Variants in PCDHGA2 observed in about 807,000 individuals in gnomAD.
PCDHGA2 encodes protocadherin gamma subfamily A, 2.
In PCDHGA2, 40 loss-of-function variants were observed where a neutral mutation model predicts 59.2. That is an observed-to-expected ratio of 0.68 (90% confidence interval 0.52 to 0.88). PCDHGA2 has a LOEUF of 0.88. Among genes scored for constraint, PCDHGA2 ranks in the 40% least tolerant of loss-of-function variants. PCDHGA2 has a pLI of 0.00. For synonymous variants in PCDHGA2, 560 were observed against 526.0 expected (o/e 1.06, Z -0.89); for missense variants, 1,226 against 1,204.0 (o/e 1.02, Z -0.27).
intron 1 of PCDHGA2, among the ~76,000 whole-genome samples, chr5:141,402,239 T>A (rs1361940803): frequency 6.6e-6 from 1 of 152,066 alleles, no homozygotes; most frequent in African/African-American, 2.4e-5. Flanking sequence ...AGGAATTTTA[T>A]CATCAAAATA....
intron 1 of PCDHGA2, chr5:141,361,965 G>A (rs1279903156): frequency 2.5e-6 from 4 of 1,602,122 alleles, no homozygotes; most frequent in Admixed American, 3.4e-5. Context: ...ACGTGCTGCA[G>A]GCCAGCGAGC....
At chr5:141,430,179 A>G (rs2097264770) in intron 1 of PCDHGA2, among the ~76,000 whole-genome samples, 1 of 152,158 alleles carries the variant, frequency 6.6e-6, no homozygotes, top group Admixed American at 6.5e-5. Flanking sequence ...ATTTTCCCCA[A>G]ATTATAGCTG....
At chr5:141,399,037 G>A (rs756325508) in intron 1 of PCDHGA2, 2 of 1,613,856 alleles carry the variant, frequency 1.2e-6, no homozygotes, top group African/African-American at 2.7e-5. Context: ...AAAGAAACTG[G>A]ATTTTGAAGA....
chr5:141,434,784 A>C (rs967716221), intron 1 of PCDHGA2, among the ~76,000 whole-genome samples: 1 of 150,278 alleles, frequency 6.7e-6, no homozygotes, highest in African/African-American at 2.5e-5. Flanking sequence ...AAAAAAAAAA[A>C]TTTTTTTTTC....
At chr5:141,355,112 A>T (rs1371168297) in intron 1 of PCDHGA2, 1 of 1,510,090 alleles carries the variant, frequency 6.6e-7, no homozygotes. Flanking sequence ...CTGTGAATGC[A>T]CTTTATTTTG....
At chr5:141,347,180 T>TTTCTTTCTTTCTTTCTTTCTTTCC (rs1757924736) in intron 1 of PCDHGA2, among the ~76,000 whole-genome samples, 1 of 147,950 alleles carries the variant, frequency 6.8e-6, no homozygotes, top group Non-Finnish European at 1.5e-5. Context: ...TCTTTCTTTC[T>TTTCTTTCTTTCTTTCTTTCTTTCC]TGACAGGGTC....
Position 141,491,245 on chromosome 5 carries a change from G to A in PCDHGA2, c.2425-3562G>A, listed in dbSNP as rs1171588507. ...CACAGTGCTGCTGGTTCTGGAGGATGAGGACCCTGAGGAAATGCCCAAATC... is the reference window on the plus strand; with the variant it reads ...CACAGTGCTGCTGGTTCTGGAGGATAAGGACCCTGAGGAAATGCCCAAATC... On this transcript the variant is annotated intron_variant, in intron 1 of 3. Transcript: ENST00000394576. The surrounding 1 kb of genome is among the most constrained non-coding windows in gnomAD (Gnocchi z 6.9). 2 of 1,614,086 alleles carry A rather than the reference G, an allele frequency of 1.2e-6. No individual in the cohort carries two copies. Among genetic ancestry groups the A allele is most frequent in the East Asian group, 4.5e-5 (2 of 44,888 alleles).
At position 141,393,679 on chromosome 5, in the gene PCDHGA2, C is replaced by T. The variant is rs1188443485; in HGVS notation, c.2424+52284C>T. 4.3e-6 allele frequency: 7 copies of T among 1,613,894 alleles called. No individual in the cohort carries two copies. Among genetic ancestry groups the T allele is most frequent in the Non-Finnish European group, 5.9e-6 (7 of 1,179,900 alleles). ...TTCCGGAAAATTAATGAAAAACAAA[C>T]TCCGTTATTCCAGCTTAATGAAAAT... On this transcript the variant is annotated intron_variant, in intron 1 of 3. Transcript: ENST00000394576.
chr5:141,505,468 G>A lies in PCDHGA2; in HGVS notation c.2559G>A (p.Leu853=). 1 of 1,614,212 alleles carries A rather than the reference G, an allele frequency of 6.2e-7. No homozygotes were observed. Among genetic ancestry groups the A allele is most frequent in the Non-Finnish European group, 8.5e-7 (1 of 1,180,020 alleles). The change falls in exon 3 of 4, where the codon TTG becomes TTA. Residue 853 remains leucine (L), a synonymous_variant. Coordinates refer to ENST00000394576, the MANE Select transcript of PCDHGA2 (RefSeq NM_018915.4). The stretch of plus-strand genomic sequence containing the variant: ...CAGAGATGCTGCAAGCCATGATCTT[G>A]GCGTCCGCCAGTGGTAAGTGGTGTC... The part of the protein sequence containing the change: ...FDTEMLQAMI[L]ASASEAADGS...
At chr5:141,502,818 C>T (rs1209481886) in intron 2 of PCDHGA2, among the ~76,000 whole-genome samples, 1 of 150,836 alleles carries the variant, frequency 6.6e-6, no homozygotes, top group Non-Finnish European at 1.5e-5. Context: ...ACTGTCTTTT[C>T]CTTGGGGAAG....
In PCDHGA2 at chr5:141,365,883, G is replaced by A. The variant is rs758025937; in HGVS notation, c.2424+24488G>A. 110 of 1,614,012 alleles carry A rather than the reference G, an allele frequency of 6.8e-5. No individual in the cohort carries two copies. Among genetic ancestry groups the A allele is most frequent in the Non-Finnish European group, 9.0e-5 (106 of 1,179,994 alleles). Reference sequence around the variant, plus strand: ...GACACCGGTGTCCTGTATGCTCTGAGATCCTTCGACTATGAGCAGTTGAGA... The same window carrying A: ...GACACCGGTGTCCTGTATGCTCTGAAATCCTTCGACTATGAGCAGTTGAGA... On this transcript the variant is annotated intron_variant, in intron 1 of 3. Transcript: ENST00000394576.
intron 1 of PCDHGA2, among the ~76,000 whole-genome samples, chr5:141,447,303 C>G (rs1328783075): frequency 6.6e-6 from 1 of 151,990 alleles, no homozygotes; most frequent in Non-Finnish European, 1.5e-5. Context: ...CCACACCCGG[C>G]TAATTTTTGT....
intron 1 of PCDHGA2, among the ~76,000 whole-genome samples, chr5:141,452,276 C>A (rs1160292593): frequency 2.6e-5 from 4 of 152,172 alleles, no homozygotes; most frequent in Admixed American, 6.5e-5. Flanking sequence ...TGAACCCTTT[C>A]TTACTTTCTG....
chr5:141,426,978 G>A (rs1383521288), intron 1 of PCDHGA2: 1 of 456,770 alleles, frequency 2.2e-6, no homozygotes, highest in Non-Finnish European at 4.4e-6. Flanking sequence ...TGAGGTCACT[G>A]ATGCCAACGA....
chr5:141,351,850 C>T (rs1451571562), intron 1 of PCDHGA2: 1 of 1,613,256 alleles, frequency 6.2e-7, no homozygotes. Context: ...CACTGCAGGC[C>T]AGGGACCAGG....
intron 1 of PCDHGA2, among the ~76,000 whole-genome samples, chr5:141,463,642 G>A (rs573143516): frequency 6.6e-6 from 1 of 151,750 alleles, no homozygotes; most frequent in South Asian, 2.1e-4. Context: ...TAGTAGAGAC[G>A]GGGTTTCACC....
Position 141,432,320 on chromosome 5 carries a change from G to A in PCDHGA2, c.2425-62487G>A, listed in dbSNP as rs369088426. 4 of 1,614,120 alleles carry A rather than the reference G, an allele frequency of 2.5e-6. No individual in the cohort carries two copies. The African/African-American group carries it at 4.0e-5, about 16-fold the overall frequency. On this transcript the variant is annotated intron_variant, in intron 1 of 3. Coordinates refer to ENST00000394576, the MANE Select transcript of PCDHGA2 (RefSeq NM_018915.4). The surrounding 1 kb of genome is among the most constrained non-coding windows in gnomAD (Gnocchi z 6.0). ...GGTACTGTATGCGCTGAGCTCCTTC[G>A]ACTACGAGCAGTTCCGAGACTTGCA...
At chr5:141,445,269 C>A (rs535300313) in intron 1 of PCDHGA2, among the ~76,000 whole-genome samples, 1 of 152,260 alleles carries the variant, frequency 6.6e-6, no homozygotes, top group Non-Finnish European at 1.5e-5. Flanking sequence ...AAGTCGAAAC[C>A]ACTCTGCATA....
rs2099727742 is a variant in PCDHGA2 at position 141,491,740 on chromosome 5, G to C, written c.2425-3067G>C. On this transcript the variant is annotated intron_variant, in intron 1 of 3. Coordinates refer to ENST00000394576, the MANE Select transcript of PCDHGA2 (RefSeq NM_018915.4). The surrounding 1 kb of genome is among the most constrained non-coding windows in gnomAD (Gnocchi z 6.9). Reference sequence around the variant, plus strand: ...GCCGCCCCGGGCGACCCCTGGGGGCGGCACTGGAGAAGCCGCCCGTCCTCA... The same window carrying C: ...GCCGCCCCGGGCGACCCCTGGGGGCCGCACTGGAGAAGCCGCCCGTCCTCA... The C allele has an allele frequency of 6.3e-7, 1 of 1,597,622 alleles. No homozygotes were observed. The highest frequency in any genetic ancestry group is 8.5e-7 in the Non-Finnish European group (1 of 1,173,228).
Sources: gnomAD v4.1 joint callset for allele counts (sites outside exome capture counted in the v4.1 genomes callset) on GRCh38, gnomAD v4.1.1 for gene constraint, Gnocchi (gnomAD v3.1) non-coding constraint, MANE v1.5 for transcripts, NCBI Gene and HGNC (gene_info 2026-07-23, HGNC 2026-07-21) for gene names.